Variants in MAGI2 observed in about 807,000 individuals in gnomAD.
MAGI2 encodes the protein membrane-associated guanylate kinase, WW and PDZ domain-containing protein 2.
Under a neutral mutation model 133.3 loss-of-function variants are expected in MAGI2, and 35 were observed. The observed-to-expected ratio is 0.26, with a 90% CI of 0.20 to 0.35. MAGI2 has a LOEUF of 0.35. Ranked by LOEUF, MAGI2 falls within the 10% of genes least tolerant of loss-of-function variation. MAGI2 has a pLI of 1.00. For missense variants in MAGI2, 1,636 were observed against 1,863.4 expected (o/e 0.88, Z 2.25); for synonymous variants, 729 against 710.6 (o/e 1.03, Z -0.41).
chr7:78,206,472 T>A (rs926192487), intron 10 of MAGI2, among the ~76,000 whole-genome samples: 2 of 152,032 alleles, frequency 1.3e-5, no homozygotes, highest in African/African-American at 4.8e-5. Context: ...TTGTATTTTT[T>A]AGTAGAGATG....
chr7:79,240,297 G>A lies in MAGI2; in HGVS notation c.301+212723C>T, dbSNP rs138752590. Among the ~76,000 whole-genome samples, 303 of 151,218 alleles carry A rather than the reference G, an allele frequency of 2.0e-3. 1 individual carries two copies. Among genetic ancestry groups the A allele is most frequent in the African/African-American group, 7.0e-3 (286 of 41,104 alleles). ...CTGTGAAGGACCAGAAGACAACAGA[G>A]CGATAGTTTGGTTTGTTTGGAATGA... On this transcript the variant is annotated intron_variant, in intron 1 of 21. Transcript: ENST00000354212.
At chr7:78,185,345 C>T (rs1055920201) in intron 13 of MAGI2, among the ~76,000 whole-genome samples, 1 of 152,178 alleles carries the variant, frequency 6.6e-6, no homozygotes, top group African/African-American at 2.4e-5. Flanking sequence ...CGGACCTAGT[C>T]AGTCTGATGG....
intron 1 of MAGI2, among the ~76,000 whole-genome samples, chr7:79,171,643 A>C (rs1380228967): frequency 6.7e-6 from 1 of 148,532 alleles, no homozygotes; most frequent in Non-Finnish European, 1.5e-5. Context: ...TCTACAGGTA[A>C]CTCACTTTTG....
intron 9 of MAGI2, among the ~76,000 whole-genome samples, chr7:78,341,159 C>T (rs1054201581): frequency 2.0e-5 from 3 of 152,098 alleles, no homozygotes; most frequent in African/African-American, 7.2e-5. Context: ...CATTCCTATA[C>T]ACCAATAATA....
chr7:79,417,691 G>T (rs1031091373), intron 1 of MAGI2, among the ~76,000 whole-genome samples: 1 of 151,674 alleles, frequency 6.6e-6, no homozygotes, highest in Non-Finnish European at 1.5e-5. Context: ...AGTAGGTGCT[G>T]CTTAAATAAT....
chr7:78,205,286 C>T (rs576452966), intron 10 of MAGI2, among the ~76,000 whole-genome samples: 1 of 152,150 alleles, frequency 6.6e-6, no homozygotes, highest in Non-Finnish European at 1.5e-5. Context: ...CATCTGCCAC[C>T]ACACCCAGCT....
At chr7:78,046,123 C>T (rs62461166) in intron 21 of MAGI2, among the ~76,000 whole-genome samples, 9,017 of 151,546 alleles carry the variant, frequency 0.06, 262 homozygotes, top group East Asian at 0.083. Context: ...GGGCCAGGCA[C>T]GGTGGCTCAT....
chr7:78,196,912 G>T (rs1828792190), intron 11 of MAGI2, among the ~76,000 whole-genome samples: 1 of 152,188 alleles, frequency 6.6e-6, no homozygotes, highest in Non-Finnish European at 1.5e-5. Flanking sequence ...CATAGAGAGG[G>T]TAAGTGGCTT....
chr7:78,853,812 A>C (rs1283989072), intron 2 of MAGI2, among the ~76,000 whole-genome samples: 1 of 152,020 alleles, frequency 6.6e-6, no homozygotes, highest in Non-Finnish European at 1.5e-5. Flanking sequence ...TTGGTGGTGG[A>C]CAACAGCCCT....
At chr7:79,303,827 G>T (rs1042783579) in intron 1 of MAGI2, among the ~76,000 whole-genome samples, 27 of 152,242 alleles carry the variant, frequency 1.8e-4, no homozygotes, top group Admixed American at 2.6e-4. Context: ...CGACATTAAG[G>T]TTAGCTTGTC....
In MAGI2 at chr7:79,419,021, T is replaced by G. The variant is rs527794230; in HGVS notation, c.301+33999A>C. Among the ~76,000 whole-genome samples the G allele has an allele frequency of 2.0e-5, 3 of 152,064 alleles. No homozygotes were observed. The South Asian group carries it at 6.2e-4, about 32-fold the overall frequency. On this transcript the variant is annotated intron_variant, in intron 1 of 21. Coordinates refer to ENST00000354212, the MANE Select transcript of MAGI2 (RefSeq NM_012301.4). ...TCCTAGACAGATACATAATCAAGCT[T>G]CCCCCAGAAACTCACTTTTAGGTAA...
chr7:78,564,010 A>G (rs1800673451), intron 3 of MAGI2, among the ~76,000 whole-genome samples: 1 of 152,212 alleles, frequency 6.6e-6, no homozygotes, highest in African/African-American at 2.4e-5. Context: ...GCTAACACAT[A>G]TTACACAGAA....
chr7:78,173,277 C>A (rs920518001), intron 14 of MAGI2, among the ~76,000 whole-genome samples: 1 of 152,218 alleles, frequency 6.6e-6, no homozygotes, highest in Non-Finnish European at 1.5e-5. Flanking sequence ...AGCTTCATTT[C>A]GTACAGGACA....
chr7:79,440,071 CCACT>C (rs1848398223), intron 1 of MAGI2, among the ~76,000 whole-genome samples: 1 of 152,066 alleles, frequency 6.6e-6, no homozygotes, highest in Non-Finnish European at 1.5e-5. Flanking sequence ...GCAGTACTGA[CCACT>C]CACTCAATAT....
At chr7:78,416,108 C>G (rs1378420307) in intron 6 of MAGI2, among the ~76,000 whole-genome samples, 2 of 152,046 alleles carry the variant, frequency 1.3e-5, no homozygotes, top group African/African-American at 4.8e-5. Context: ...CAGCGAAGGT[C>G]TGAAGCAACA....
intron 1 of MAGI2, among the ~76,000 whole-genome samples, chr7:79,065,130 A>G (rs1814172172): frequency 1.3e-5 from 2 of 152,104 alleles, no homozygotes; most frequent in Non-Finnish European, 2.9e-5. Context: ...CCAATACCCA[A>G]TATGAATACA....
At chr7:79,081,334 G>T (rs181899500) in intron 1 of MAGI2, among the ~76,000 whole-genome samples, 2 of 152,268 alleles carry the variant, frequency 1.3e-5, no homozygotes, top group Admixed American at 1.3e-4. Context: ...TCCTAGGAGG[G>T]ATTTTATTTG....
intron 2 of MAGI2, among the ~76,000 whole-genome samples, chr7:78,757,598 G>A (rs1266249827): frequency 2.0e-5 from 3 of 152,184 alleles, no homozygotes; most frequent in East Asian, 3.9e-4. Flanking sequence ...ACATTAGTGA[G>A]TCCTCATCTT....
chr7:78,227,265 A>T (rs1434397143), intron 10 of MAGI2, among the ~76,000 whole-genome samples: 1 of 152,330 alleles, frequency 6.6e-6, no homozygotes, highest in East Asian at 1.9e-4. Context: ...TTGATAAAAC[A>T]CCTACACTGG....
Sources: gnomAD v4.1 joint callset for allele counts (sites outside exome capture counted in the v4.1 genomes callset) on GRCh38, gnomAD v4.1.1 for gene constraint, MANE v1.5 for transcripts, NCBI Gene and HGNC (gene_info 2026-07-23, HGNC 2026-07-21) for gene names.